CDH18: variants seen among roughly 807,000 people sequenced by gnomAD.
CDH18 encodes cadherin 18.
In CDH18, 31 loss-of-function variants were observed where a neutral mutation model predicts 67.9. The ratio of observed to expected loss-of-function variants is 0.46; its 90% CI spans 0.34 to 0.62. The LOEUF (loss-of-function observed/expected upper bound fraction) is 0.62, where lower values mean the gene tolerates loss of function less well. CDH18 is among the 20% of genes least tolerant of loss of function. The pLI is 0.01. For missense variants in CDH18, 890 were observed against 975.5 expected (o/e 0.91, Z 1.17); for synonymous variants, 362 against 347.2 (o/e 1.04, Z -0.48).
At chr5:20,442,328 A>C (rs959329814) in intron 1 of CDH18, among the ~76,000 whole-genome samples, 1 of 151,978 alleles carries the variant, frequency 6.6e-6, no homozygotes, top group Non-Finnish European at 1.5e-5. Context: ...TGAGGCATAC[A>C]TTTTGACATG....
intron 5 of CDH18, among the ~76,000 whole-genome samples, chr5:19,618,073 G>A (rs976541714): frequency 6.6e-6 from 1 of 151,982 alleles, no homozygotes; most frequent in East Asian, 1.9e-4. Context: ...ATGCCTAACG[G>A]GCTAGAACAA....
intron 4 of CDH18, among the ~76,000 whole-genome samples, chr5:19,731,429 T>G (rs1272357592): frequency 1.3e-5 from 2 of 151,984 alleles, no homozygotes; most frequent in African/African-American, 2.4e-5. Context: ...CCAGCCTGGG[T>G]GACAGAGTGA....
chr5:20,373,142 A>G (rs913394979), intron 1 of CDH18, among the ~76,000 whole-genome samples: 1 of 152,198 alleles, frequency 6.6e-6, no homozygotes, highest in Admixed American at 6.5e-5. Context: ...TATTTTACAA[A>G]TTCACACTGA....
At chr5:20,137,400 A>G (rs1456201017) in intron 2 of CDH18, among the ~76,000 whole-genome samples, 1 of 152,018 alleles carries the variant, frequency 6.6e-6, no homozygotes, top group Non-Finnish European at 1.5e-5. Context: ...TGCATGCATC[A>G]TTTAGTTCTC....
intron 10 of CDH18, among the ~76,000 whole-genome samples, chr5:19,511,715 G>A (rs1267914985): frequency 6.6e-6 from 1 of 151,958 alleles, no homozygotes; most frequent in Non-Finnish European, 1.5e-5. Context: ...AGAGCACCCT[G>A]GTGCTCTTAA....
chr5:20,488,537 A>G (rs1350589535), intron 1 of CDH18, among the ~76,000 whole-genome samples: 2 of 152,046 alleles, frequency 1.3e-5, no homozygotes, highest in African/African-American at 4.8e-5. Context: ...ATCTCTTCCC[A>G]AAACTACTTA....
intron 1 of CDH18, among the ~76,000 whole-genome samples, chr5:20,479,416 A>G (rs1361785629): frequency 1.3e-5 from 2 of 152,124 alleles, no homozygotes; most frequent in Admixed American, 6.6e-5. Flanking sequence ...ATTTACAAAG[A>G]GATTTAATTA....
Position 19,612,577 on chromosome 5 carries a change from T to C in CDH18, c.668A>G (p.Asn223Ser). Reference sequence around the variant, plus strand: ...ATGTTCTCTGGCTTCTCTGTCCATGTTATGTAAGGCCGTTCTAATAACTCC... The same window carrying C: ...ATGTTCTCTGGCTTCTCTGTCCATGCTATGTAAGGCCGTTCTAATAACTCC... ...KTGVIRTALH[N>S]MDREAREHYS... Residue 223 changes from asparagine (N) to serine (S), a missense_variant, in exon 6 of 13, where the codon AAC (asparagine) becomes AGC (serine). Physicochemically the swap from Asn to Ser is conservative, Grantham distance 46 (BLOSUM62 1). Around this residue, in one of 2 missense-constraint regions of CDH18, gnomAD observed 234 missense variants for 307.4 expected, o/e 0.76. Coordinates refer to ENST00000382275, the MANE Select transcript of CDH18 (RefSeq NM_004934.5). 6.2e-7 allele frequency: 1 copy of C among 1,613,850 alleles called. No homozygotes were observed. Among genetic ancestry groups the C allele is most frequent in the Non-Finnish European group, 8.5e-7 (1 of 1,179,762 alleles).
At chr5:20,522,013 T>A (rs924161664) in intron 1 of CDH18, among the ~76,000 whole-genome samples, 1 of 151,992 alleles carries the variant, frequency 6.6e-6, no homozygotes, top group African/African-American at 2.4e-5. Flanking sequence ...TTTAAAGAGG[T>A]GATAAAGTTA....
At position 19,926,016 on chromosome 5, in the gene CDH18, C is replaced by CT. The variant is rs565906723; in HGVS notation, c.-257+55043dup. 2.8e-3 allele frequency among the ~76,000 whole-genome samples: 431 copies of CT among 152,028 alleles called. 1 individual carries two copies. The highest frequency in any genetic ancestry group is 4.7e-3 in the Non-Finnish European group (319 of 67,960). On this transcript the variant is annotated intron_variant, in intron 2 of 12. Coordinates refer to ENST00000382275, the MANE Select transcript of CDH18 (RefSeq NM_004934.5). ...GAATAATAAAATGGAATAGTATCAACTTTTTTTTATTCATGACATATCAAC... is the reference window on the plus strand; with the variant it reads ...GAATAATAAAATGGAATAGTATCAACTTTTTTTTTATTCATGACATATCAAC...
chr5:20,400,637 C>T (rs939369326), intron 1 of CDH18, among the ~76,000 whole-genome samples: 2 of 150,266 alleles, frequency 1.3e-5, no homozygotes, highest in South Asian at 2.1e-4. Flanking sequence ...TGGCACACGC[C>T]TGTAATCCCA....
At chr5:20,524,735 GA>G (rs1177006275) in intron 1 of CDH18, among the ~76,000 whole-genome samples, 1 of 152,102 alleles carries the variant, frequency 6.6e-6, no homozygotes, top group Non-Finnish European at 1.5e-5. Flanking sequence ...TTGTTGAGAA[GA>G]AAAGGGTTTT....
chr5:20,279,820 G>A (rs1746107221), intron 1 of CDH18, among the ~76,000 whole-genome samples: 1 of 146,806 alleles, frequency 6.8e-6, no homozygotes, highest in African/African-American at 2.5e-5. Context: ...CATCCAGACA[G>A]AAAATCATCA....
intron 11 of CDH18, among the ~76,000 whole-genome samples, chr5:19,494,282 A>AT (rs1561192793): frequency 1.3e-5 from 2 of 152,000 alleles, no homozygotes; most frequent in African/African-American, 4.8e-5. Flanking sequence ...ATTACATTGC[A>AT]TGTGTGTTTT....
At chr5:19,545,485 T>C (rs1053648623) in intron 8 of CDH18, among the ~76,000 whole-genome samples, 2 of 152,196 alleles carry the variant, frequency 1.3e-5, no homozygotes, top group Non-Finnish European at 1.5e-5. Flanking sequence ...TCATATACTG[T>C]AGAAAGTTGA....
intron 9 of CDH18, 147 bp from the exon 10 acceptor site, chr5:19,520,925 C>G (rs1249516274): frequency 1.3e-6 from 1 of 746,034 alleles, no homozygotes; most frequent in African/African-American, 1.8e-5. Flanking sequence ...TGAAGGCGCT[C>G]TTTGCTAGAA....
chr5:19,615,464 C>T (rs1453151482), intron 5 of CDH18, among the ~76,000 whole-genome samples: 1 of 152,142 alleles, frequency 6.6e-6, no homozygotes, highest in Non-Finnish European at 1.5e-5. Context: ...CCCTTTACTT[C>T]CTCCATGAGC....
intron 1 of CDH18, among the ~76,000 whole-genome samples, chr5:20,455,348 T>C (rs943848314): frequency 6.6e-6 from 1 of 152,070 alleles, no homozygotes; most frequent in African/African-American, 2.4e-5. Context: ...AATATGATGA[T>C]GGATTTAAGG....
intron 1 of CDH18, among the ~76,000 whole-genome samples, chr5:20,485,484 G>T (rs1445238261): frequency 2.6e-5 from 4 of 152,154 alleles, no homozygotes; most frequent in Admixed American, 1.3e-4. Flanking sequence ...TATGTTAATT[G>T]TGTGTATACA....
Sources: allele counts gnomAD v4.1 joint callset (sites outside exome capture counted in the v4.1 genomes callset), GRCh38; gene constraint gnomAD v4.1.1; regional missense constraint gnomAD v4.1.1; transcripts MANE v1.5; gene names NCBI Gene and HGNC (gene_info 2026-07-23, HGNC 2026-07-21).